The following HCN1 variants were observed in gnomAD, a reference collection of about 807,000 sequenced individuals.
The protein encoded by HCN1 is hyperpolarization activated cyclic nucleotide gated potassium channel 1.
HCN1 carries 13 observed loss-of-function variants against 78.9 expected under a neutral mutation model. The observed-to-expected ratio is 0.16, with a 90% CI of 0.11 to 0.26. The LOEUF (loss-of-function observed/expected upper bound fraction) is 0.26. Ranked by LOEUF, HCN1 falls within the 10% of genes least tolerant of loss-of-function variation. The pLI is 1.00. For missense variants in HCN1, 810 were observed against 1,154.3 expected, an observed-to-expected ratio of 0.70 and a Z score of 4.32; for synonymous variants, 552 against 455.5, an observed-to-expected ratio of 1.21 and a Z score of -2.70.
chr5:45,354,288 T>A (rs1746967634), intron 4 of HCN1, among the ~76,000 whole-genome samples: 1 of 151,944 alleles, frequency 6.6e-6, no homozygotes, highest in Admixed American at 6.6e-5. Flanking sequence ...CAGGGGGTCA[T>A]AAGACCACAC....
chr5:45,334,332 T>C (rs546284776), intron 5 of HCN1, among the ~76,000 whole-genome samples: 61 of 151,828 alleles, frequency 4.0e-4, no homozygotes, highest in Non-Finnish European at 7.4e-4. Flanking sequence ...ATCCTCTTTG[T>C]CTACTGAAAT....
chr5:45,440,884 T>C (rs1167478429), intron 3 of HCN1, among the ~76,000 whole-genome samples: 1 of 152,170 alleles, frequency 6.6e-6, no homozygotes, highest in Non-Finnish European at 1.5e-5. Context: ...CCCAAATCTT[T>C]CTATGGTTTA....
chr5:45,262,785 T>C lies in HCN1; in HGVS notation c.1809A>G (p.Gln603=), dbSNP rs531628240. Residue 603 remains glutamine (Q), a synonymous_variant, in exon 8 of 8, where the codon CAA becomes CAG. Transcript: ENST00000303230. The part of the protein sequence containing the change: ...RIGKKNSILL[Q]KFQKDLNTGV... ...CAGTGTTCAGATCCTTCTGGAACTT[T>C]TGCAGAAGAATTGAATTTTTCTTTC... 2.5e-6 allele frequency: 4 copies of C among 1,614,108 alleles called. No individual in the cohort carries two copies. The South Asian group carries it at 3.3e-5, about 13-fold the overall frequency.
intron 6 of HCN1, among the ~76,000 whole-genome samples, chr5:45,274,040 T>TAAATGCA (rs1430488999): frequency 3.3e-5 from 5 of 152,172 alleles, no homozygotes; most frequent in Non-Finnish European, 5.9e-5. Flanking sequence ...AGTACAGTAC[T>TAAATGCA]TTAATGCATT....
chr5:45,539,621 T>C (rs887348923), intron 2 of HCN1, among the ~76,000 whole-genome samples: 1 of 150,496 alleles, frequency 6.6e-6, no homozygotes, highest in African/African-American at 2.4e-5. Flanking sequence ...GCTGAGATCG[T>C]GCCACTGCAC....
intron 4 of HCN1, among the ~76,000 whole-genome samples, chr5:45,372,366 A>T (rs1442059450): frequency 9.1e-6 from 1 of 110,008 alleles, no homozygotes; most frequent in Non-Finnish European, 1.6e-5. Context: ...ATTATATATA[A>T]AACATATATA....
rs1744603190 is a variant in HCN1 at position 45,255,972 on chromosome 5, C to A, written c.*5949G>T. 1 of 151,950 alleles carries A rather than the reference C, an allele frequency of 6.6e-6. No individual in the cohort carries two copies. Among genetic ancestry groups the A allele is most frequent in the African/African-American group, 2.4e-5 (1 of 41,360 alleles). 9.4% of individuals were successfully genotyped at this position (151,950 alleles called of 1,614,324 possible). On this transcript the variant is annotated 3_prime_UTR_variant, in exon 8 of 8. Coordinates refer to ENST00000303230, the MANE Select transcript of HCN1 (RefSeq NM_021072.4). Reference sequence around the variant, plus strand: ...AATCTATTGGAAACATAAAGTGGTCCTCTTTTGAAGAATTATTATATTTAC... The same window carrying A: ...AATCTATTGGAAACATAAAGTGGTCATCTTTTGAAGAATTATTATATTTAC...
intron 2 of HCN1, among the ~76,000 whole-genome samples, chr5:45,552,172 G>T (rs563497605): frequency 9.0e-4 from 136 of 151,850 alleles, no homozygotes; most frequent in Non-Finnish European, 1.7e-3. Context: ...TAACATCTTT[G>T]GCGAAATCTG....
intron 4 of HCN1, among the ~76,000 whole-genome samples, chr5:45,393,865 T>C (rs1739634730): frequency 6.6e-6 from 1 of 152,170 alleles, no homozygotes; most frequent in Non-Finnish European, 1.5e-5. Flanking sequence ...CTGTCTTCTA[T>C]GCAAGTAAAA....
At chr5:45,563,663 ACACTT>A (rs1450016245) in intron 2 of HCN1, among the ~76,000 whole-genome samples, 1 of 152,152 alleles carries the variant, frequency 6.6e-6, no homozygotes, top group Non-Finnish European at 1.5e-5. Flanking sequence ...AATTCTAACA[ACACTT>A]CACATCATTG....
chr5:45,493,320 G>A (rs947697869), intron 2 of HCN1, among the ~76,000 whole-genome samples: 4 of 151,676 alleles, frequency 2.6e-5, no homozygotes, highest in African/African-American at 7.3e-5. Context: ...GAGGCGTCAC[G>A]ATCATCTGAA....
At position 45,441,566 on chromosome 5, in the gene HCN1, A is replaced by G. The variant is rs796223537; in HGVS notation, c.1011+20280T>C. Reference sequence around the variant, plus strand: ...TACTCTACCAAATCTTTTTCAGTCCAGCCTGGACACCATATACTTAAAACT... The same window carrying G: ...TACTCTACCAAATCTTTTTCAGTCCGGCCTGGACACCATATACTTAAAACT... On this transcript the variant is annotated intron_variant, in intron 3 of 7. Transcript: ENST00000303230. Among the ~76,000 whole-genome samples the G allele has an allele frequency of 7.2e-5, 11 of 152,360 alleles. 1 individual carries two copies. The highest frequency in any genetic ancestry group is 2.6e-4 in the African/African-American group (11 of 41,596).
intron 2 of HCN1, among the ~76,000 whole-genome samples, chr5:45,541,444 C>T (rs888017063): frequency 2.6e-5 from 4 of 152,148 alleles, no homozygotes; most frequent in Non-Finnish European, 4.4e-5. Flanking sequence ...GTTTAATTAT[C>T]CCTTCCTTAA....
At chr5:45,657,284 C>A (rs1423571025) in intron 1 of HCN1, among the ~76,000 whole-genome samples, 1 of 152,150 alleles carries the variant, frequency 6.6e-6, no homozygotes, top group African/African-American at 2.4e-5. Flanking sequence ...CACTACAGTG[C>A]CCACAAAGAA....
intron 2 of HCN1, among the ~76,000 whole-genome samples, chr5:45,599,367 C>T (rs1744577014): frequency 6.7e-6 from 1 of 148,866 alleles, no homozygotes; most frequent in African/African-American, 2.5e-5. Flanking sequence ...AATAAGAACA[C>T]TTGGACACAT....
chr5:45,624,521 G>A (rs1177756874), intron 2 of HCN1, among the ~76,000 whole-genome samples: 1 of 152,144 alleles, frequency 6.6e-6, no homozygotes, highest in Non-Finnish European at 1.5e-5. Context: ...AAAAGAGAAA[G>A]TCACCACTTG....
chr5:45,568,690 A>G (rs1235559285), intron 2 of HCN1, among the ~76,000 whole-genome samples: 2 of 152,090 alleles, frequency 1.3e-5, no homozygotes, highest in Admixed American at 1.3e-4. Context: ...GTTATATTTT[A>G]AAGTGTGCTT....
At chr5:45,304,923 T>C (rs758750603) in intron 5 of HCN1, among the ~76,000 whole-genome samples, 3 of 152,212 alleles carry the variant, frequency 2.0e-5, no homozygotes, top group Middle Eastern at 6.8e-3. Flanking sequence ...TGGATGAAAA[T>C]AGAAATATGG....
chr5:45,455,778 A>T (rs1741017692), intron 3 of HCN1, among the ~76,000 whole-genome samples: 1 of 151,368 alleles, frequency 6.6e-6, no homozygotes, highest in Non-Finnish European at 1.5e-5. Context: ...AAAAAAAAAA[A>T]AAAAGGGTTG....
Sources: allele counts gnomAD v4.1 joint callset (sites outside exome capture counted in the v4.1 genomes callset), GRCh38; gene constraint gnomAD v4.1.1; transcripts MANE v1.5; gene names NCBI Gene and HGNC (gene_info 2026-07-23, HGNC 2026-07-21).